Variants in ZEB2 observed in about 807,000 individuals in gnomAD.
ZEB2 encodes the protein zinc finger E-box binding homeobox 2.
ZEB2 carries 6 observed loss-of-function variants against 99.9 expected under a neutral mutation model. The observed-to-expected ratio is 0.06, with a 90% CI of 0.03 to 0.12. The LOEUF is 0.12. ZEB2 is among the 10% of genes least tolerant of loss of function. The pLI, the probability that ZEB2 is intolerant of heterozygous loss-of-function variation, is 1.00. For synonymous variants in ZEB2, 517 were observed against 542.5 expected (o/e 0.95, Z 0.65); for missense variants, 969 against 1,502.8 (o/e 0.64, Z 5.87).
chr2:144,441,275 T>C lies in ZEB2; in HGVS notation c.74-11249A>G, dbSNP rs367930164. On this transcript the variant is annotated intron_variant, in intron 2 of 9. Coordinates refer to ENST00000627532, the MANE Select transcript of ZEB2 (RefSeq NM_014795.4). ...GCCTCAATTCCCCTTCCCTGCCGCC[T>C]TCTGTCATTTTCAGGTAGTGGAATT... is the stretch of plus-strand genomic sequence containing the variant. 3.4e-5 allele frequency among the ~76,000 whole-genome samples: 5 copies of C among 148,916 alleles called. No homozygotes were observed. In the South Asian group the frequency reaches 1.1e-3, roughly 32 times the overall value.
chr2:144,517,360 C>T lies in ZEB2; in HGVS notation c.-10G>A, dbSNP rs1182891083. ...TGATCGGCTGCTTCATTGATAAGAG[C>T]GGATCAGATGGCAGTTCGCATGGAC... On this transcript the variant is annotated 5_prime_UTR_variant, in exon 2 of 10. Coordinates refer to ENST00000627532, the MANE Select transcript of ZEB2 (RefSeq NM_014795.4). 1.2e-6 allele frequency: 2 copies of T among 1,613,550 alleles called. No homozygotes were observed. The highest frequency in any genetic ancestry group is 1.7e-5 in the Admixed American group (1 of 60,006).
At chr2:144,436,330 A>G (rs1419189710) in intron 2 of ZEB2, among the ~76,000 whole-genome samples, 2 of 152,220 alleles carry the variant, frequency 1.3e-5, no homozygotes, top group Non-Finnish European at 2.9e-5. Context: ...TTTTTATCCC[A>G]GGAACATTCG....
At chr2:144,440,968 T>C (rs547206142) in intron 2 of ZEB2, among the ~76,000 whole-genome samples, 2 of 150,392 alleles carry the variant, frequency 1.3e-5, no homozygotes, top group African/African-American at 4.9e-5. Flanking sequence ...TTCCCCTTTT[T>C]TTGCCACCCA....
intron 2 of ZEB2, among the ~76,000 whole-genome samples, chr2:144,516,961 G>GGGAGGC (rs1222505837): frequency 1.4e-3 from 204 of 151,012 alleles, no homozygotes; most frequent in Admixed American, 2.8e-3. Flanking sequence ...CGAGCGGAGC[G>GGGAGGC]GGAGGCGGAG....
chr2:144,459,009 C>A (rs1223371803), intron 2 of ZEB2, among the ~76,000 whole-genome samples: 1 of 152,142 alleles, frequency 6.6e-6, no homozygotes, highest in Non-Finnish European at 1.5e-5. Context: ...TGCTTGCCTG[C>A]TGTTTATAAT....
intron 2 of ZEB2, among the ~76,000 whole-genome samples, chr2:144,439,517 A>C (rs1245247933): frequency 6.6e-6 from 1 of 152,254 alleles, no homozygotes; most frequent in Admixed American, 6.5e-5. Flanking sequence ...CTCTCAGCAG[A>C]TGTTCTGCAG....
chr2:144,426,966 C>T (rs970534587), intron 3 of ZEB2: 6 of 152,072 alleles, frequency 3.9e-5, no homozygotes, highest in Non-Finnish European at 8.8e-5. Flanking sequence ...ATATTGCCTC[C>T]GAATTAAAGG....
At chr2:144,438,746 G>A (rs1703869095) in intron 2 of ZEB2, among the ~76,000 whole-genome samples, 1 of 152,082 alleles carries the variant, frequency 6.6e-6, no homozygotes, top group Non-Finnish European at 1.5e-5. Flanking sequence ...CCTACCCAAA[G>A]GATTTCTCTT....
chr2:144,467,260 T>C (rs1704285043), intron 2 of ZEB2, among the ~76,000 whole-genome samples: 1 of 152,156 alleles, frequency 6.6e-6, no homozygotes, highest in Admixed American at 6.5e-5. Context: ...ATTTTTCCTC[T>C]TAAAGAAGGT....
chr2:144,410,723 GT>G (rs1199301858), intron 4 of ZEB2, among the ~76,000 whole-genome samples: 1 of 151,942 alleles, frequency 6.6e-6, no homozygotes, highest in Non-Finnish European at 1.5e-5. Context: ...ATTATCACTG[GT>G]TTAGTGTCCT....
At chr2:144,433,073 G>C (rs1560622325) in intron 2 of ZEB2, among the ~76,000 whole-genome samples, 1 of 152,116 alleles carries the variant, frequency 6.6e-6, no homozygotes. Flanking sequence ...GGAGCTACAT[G>C]GCTGGCACAA....
Position 144,403,810 on chromosome 2 carries a change from G to T in ZEB2, c.807+106C>A. 3 of 1,417,144 alleles carry T rather than the reference G, an allele frequency of 2.1e-6. No homozygotes were observed. The South Asian group carries it at 3.5e-5, about 17-fold the overall frequency. 87.8% of individuals were successfully genotyped at this position (1,417,144 alleles called of 1,614,324 possible). A position where few individuals can be genotyped will look rare whatever the true frequency, so the allele number is the denominator to read the frequency against. On this transcript the variant is annotated intron_variant, in intron 6 of 9. Coordinates refer to ENST00000627532, the MANE Select transcript of ZEB2 (RefSeq NM_014795.4). ...TAAAGCTATTACCATTAAAAGATCT[G>T]CATCTTCAAAATGCCATGAAAAATT...
At chr2:144,494,198 A>T (rs1481221207) in intron 2 of ZEB2, 2 of 152,128 alleles carry the variant, frequency 1.3e-5, no homozygotes, top group East Asian at 3.8e-4. Context: ...AAACTCTAAT[A>T]AAACAGGAAT....
chr2:144,437,505 G>A (rs1703854093), intron 2 of ZEB2, among the ~76,000 whole-genome samples: 1 of 152,088 alleles, frequency 6.6e-6, no homozygotes, highest in African/African-American at 2.4e-5. Context: ...ACCATCAGAA[G>A]GAAAGTATTA....
At chr2:144,494,033 T>TC (rs1318201176) in intron 2 of ZEB2, among the ~76,000 whole-genome samples, 2 of 150,838 alleles carry the variant, frequency 1.3e-5, no homozygotes, top group African/African-American at 4.9e-5. Flanking sequence ...GCACCTGTAG[T>TC]CCCAGCTACT....
At chr2:144,484,203 G>GTGTGTGTGTGTGTA (rs1008432723) in intron 2 of ZEB2, among the ~76,000 whole-genome samples, 3 of 151,944 alleles carry the variant, frequency 2.0e-5, no homozygotes, top group African/African-American at 4.8e-5. Flanking sequence ...GTGTGTGTGT[G>GTGTGTGTGTGTGTA]TGTGTGTGTG....
At chr2:144,475,247 C>A (rs1704414823) in intron 2 of ZEB2, among the ~76,000 whole-genome samples, 1 of 152,160 alleles carries the variant, frequency 6.6e-6, no homozygotes, top group Non-Finnish European at 1.5e-5. Context: ...TTGTTATAAA[C>A]CATCTCAGAT....
intron 2 of ZEB2, among the ~76,000 whole-genome samples, chr2:144,485,795 TTTTAG>T (rs1486751739): frequency 6.6e-6 from 1 of 152,116 alleles, no homozygotes; most frequent in East Asian, 1.9e-4. Context: ...ATTTTTGTAT[TTTTAG>T]TAGATACGGG....
At chr2:144,460,986 C>T (rs1282927483) in intron 2 of ZEB2, 2 of 151,940 alleles carry the variant, frequency 1.3e-5, no homozygotes, top group Non-Finnish European at 2.9e-5. Flanking sequence ...GTTTGTGTGA[C>T]TAATTTTTCT....
Sources: allele counts gnomAD v4.1 joint callset (sites outside exome capture counted in the v4.1 genomes callset), GRCh38; gene constraint gnomAD v4.1.1; transcripts MANE v1.5; gene names NCBI Gene and HGNC (gene_info 2026-07-23, HGNC 2026-07-21).